PHF21A: variants seen among roughly 807,000 people sequenced by gnomAD.
The protein encoded by PHF21A is PHD finger protein 21A, also known as BHC80a.
A neutral mutation model predicts 82.5 loss-of-function variants in PHF21A; 11 were observed. That is an observed-to-expected ratio of 0.13 (90% CI 0.08 to 0.22). PHF21A has a LOEUF of 0.22. Ranked by LOEUF, PHF21A falls within the 10% of genes least tolerant of loss-of-function variation. The pLI, the probability that PHF21A is intolerant of heterozygous loss-of-function variation, is 1.00. For synonymous variants in PHF21A, 297 were observed against 302.8 expected, an observed-to-expected ratio of 0.98 and a Z score of 0.20; for missense variants, 579 against 837.8, an observed-to-expected ratio of 0.69 and a Z score of 3.81.
At chr11:45,988,087 C>G (rs1307722920) in intron 6 of PHF21A, among the ~76,000 whole-genome samples, 2 of 152,188 alleles carry the variant, frequency 1.3e-5, no homozygotes, top group African/African-American at 4.8e-5. Flanking sequence ...AAGCCCCTAT[C>G]ATTTTATGGA....
intron 6 of PHF21A, among the ~76,000 whole-genome samples, chr11:45,990,258 T>A (rs1002397200): frequency 5.4e-5 from 5 of 92,688 alleles, no homozygotes; most frequent in African/African-American, 2.9e-4. Context: ...TTCTTTTTTT[T>A]TTTTTTTTTT....
intron 6 of PHF21A, among the ~76,000 whole-genome samples, chr11:46,029,972 T>C (rs78607403): frequency 6.6e-6 from 1 of 152,232 alleles, no homozygotes; most frequent in Non-Finnish European, 1.5e-5. Context: ...TCTTTATAAC[T>C]TGATTTGATA....
At chr11:45,994,093 T>C (rs1437954911) in intron 6 of PHF21A, among the ~76,000 whole-genome samples, 4 of 152,144 alleles carry the variant, frequency 2.6e-5, no homozygotes, top group African/African-American at 4.8e-5. Flanking sequence ...CTCGTCTACA[T>C]AGTATGATGG....
Position 46,019,649 on chromosome 11 carries a change from A to G in PHF21A, c.154-39683T>C, listed in dbSNP as rs369818959. 2.0e-5 allele frequency among the ~76,000 whole-genome samples: 3 copies of G among 152,340 alleles called. No homozygotes were observed. The South Asian group carries it at 6.2e-4, about 32-fold the overall frequency. ...CAAGATCCAAATGCTTTACTTTTAT[A>G]TTAACTTAAGCAATCAGACGGCATT... is the stretch of plus-strand genomic sequence containing the variant. On this transcript the variant is annotated intron_variant, in intron 6 of 18. Coordinates refer to ENST00000676320, the MANE Select transcript of PHF21A (RefSeq NM_001352027.3).
chr11:46,089,110 T>C (rs1353587525), intron 3 of PHF21A, among the ~76,000 whole-genome samples: 4 of 152,174 alleles, frequency 2.6e-5, no homozygotes, highest in Non-Finnish European at 5.9e-5. Flanking sequence ...TTATTTGGTG[T>C]GAAACTCCTC....
intron 6 of PHF21A, among the ~76,000 whole-genome samples, chr11:46,016,164 C>T (rs2095514263): frequency 6.6e-6 from 1 of 152,154 alleles, no homozygotes; most frequent in East Asian, 1.9e-4. Context: ...TTTTTAGCTC[C>T]ACTATAATCT....
intron 1 of PHF21A, among the ~76,000 whole-genome samples, chr11:46,112,055 CT>C (rs1413193919): frequency 1.3e-5 from 2 of 152,212 alleles, no homozygotes; most frequent in Non-Finnish European, 2.9e-5. Flanking sequence ...TTTGAACTTT[CT>C]GAAGTCAACC....
chr11:46,021,977 G>T (rs1349113523), intron 6 of PHF21A, among the ~76,000 whole-genome samples: 1 of 152,082 alleles, frequency 6.6e-6, no homozygotes, highest in Non-Finnish European at 1.5e-5. Context: ...GAAAGGAAAA[G>T]ATCTGTGTGT....
chr11:46,001,589 A>C (rs907802072), intron 6 of PHF21A, among the ~76,000 whole-genome samples: 2 of 152,158 alleles, frequency 1.3e-5, no homozygotes, highest in Admixed American at 6.5e-5. Context: ...TGTATAAGAA[A>C]AGAACAGGAA....
At chr11:46,040,929 A>AC (rs2096124816) in intron 6 of PHF21A, among the ~76,000 whole-genome samples, 1 of 122,728 alleles carries the variant, frequency 8.1e-6, no homozygotes, top group South Asian at 2.6e-4. Flanking sequence ...ACACACACAC[A>AC]CACACGCACG....
At chr11:45,950,300 T>A (rs762525865) in intron 11 of PHF21A, 43 bp from the exon 12 acceptor site, 159 of 1,579,042 alleles carry the variant, frequency 1.0e-4, no homozygotes, top group Non-Finnish European at 1.3e-4. Context: ...CAGTCTGGGT[T>A]CTCACAAAGC....
intron 6 of PHF21A, among the ~76,000 whole-genome samples, chr11:46,025,928 A>G (rs1311450907): frequency 6.6e-6 from 1 of 152,226 alleles, no homozygotes; most frequent in Non-Finnish European, 1.5e-5. Context: ...ATTTCAAAAT[A>G]AAATGTTGAG....
intron 8 of PHF21A, chr11:45,970,670 C>T (rs1454036021): frequency 6.5e-6 from 1 of 154,328 alleles, no homozygotes; most frequent in Non-Finnish European, 1.4e-5. Context: ...CAACTAACTC[C>T]AGTTCTTTCT....
intron 2 of PHF21A, among the ~76,000 whole-genome samples, chr11:46,090,912 T>C (rs899127127): frequency 3.3e-5 from 5 of 152,054 alleles, no homozygotes; most frequent in African/African-American, 1.2e-4. Flanking sequence ...CAAAGTCTGA[T>C]TTTTCACAAA....
intron 6 of PHF21A, among the ~76,000 whole-genome samples, chr11:46,038,125 TCTC>T (rs1240850495): frequency 1.3e-5 from 2 of 151,876 alleles, no homozygotes; most frequent in East Asian, 1.9e-4. Context: ...TCTCTCTCTC[TCTC>T]TTTTTTTTTT....
At chr11:45,981,158 G>T (rs1433972816) in intron 6 of PHF21A, among the ~76,000 whole-genome samples, 1 of 151,878 alleles carries the variant, frequency 6.6e-6, no homozygotes, top group Non-Finnish European at 1.5e-5. Flanking sequence ...GGCCAAGGTG[G>T]GTGGATCACT....
At chr11:46,059,148 G>A (rs2096498986) in intron 6 of PHF21A, among the ~76,000 whole-genome samples, 1 of 151,996 alleles carries the variant, frequency 6.6e-6, no homozygotes, top group Admixed American at 6.6e-5. Context: ...TTACTTCTAG[G>A]AAATAATCAA....
intron 18 of PHF21A, 157 bp downstream of exon 18, chr11:45,935,479 T>A: frequency 1.5e-6 from 1 of 651,348 alleles, no homozygotes. Flanking sequence ...AGGTCTGAAC[T>A]CTAACTGGAT....
At chr11:46,117,053 T>C (rs1256702639) in intron 1 of PHF21A, 1 of 152,230 alleles carries the variant, frequency 6.6e-6, no homozygotes, top group Admixed American at 6.5e-5. Flanking sequence ...AAGTTAGCAT[T>C]TAAAGACAGA....
Sources: allele counts gnomAD v4.1 joint callset (sites outside exome capture counted in the v4.1 genomes callset), GRCh38; gene constraint gnomAD v4.1.1; transcripts MANE v1.5; gene names NCBI Gene and HGNC (gene_info 2026-07-23, HGNC 2026-07-21).